Variants in EPB41L1 observed in about 807,000 individuals in gnomAD.
EPB41L1 encodes erythrocyte membrane protein band 4.1 like 1.
In EPB41L1, 29 loss-of-function variants were observed where a neutral mutation model predicts 97.8. The observed-to-expected ratio is 0.30, with a 90% CI of 0.22 to 0.40. The LOEUF (loss-of-function observed/expected upper bound fraction) is 0.40, where lower values mean the gene tolerates loss of function less well. Ranked by LOEUF, EPB41L1 falls within the 10% of genes least tolerant of loss-of-function variation. The pLI, the probability that EPB41L1 is intolerant of heterozygous loss-of-function variation, is 1.00. For missense variants in EPB41L1, 812 were observed against 1,162.3 expected, an observed-to-expected ratio of 0.70 and a Z score of 4.38; for synonymous variants, 383 against 459.2, an observed-to-expected ratio of 0.83 and a Z score of 2.12.
At chr20:36,149,580 CCAGA>C (rs1219350779) in intron 2 of EPB41L1, among the ~76,000 whole-genome samples, 2 of 152,264 alleles carry the variant, frequency 1.3e-5, no homozygotes, top group African/African-American at 2.4e-5. Flanking sequence ...CTTCCTCCAC[CCAGA>C]CACAGCTGCC....
intron 13 of EPB41L1, chr20:36,197,524 T>C (rs184394002): frequency 6.2e-5 from 33 of 533,868 alleles, no homozygotes; most frequent in Admixed American, 3.2e-4. Flanking sequence ...ACCGGGCTTA[T>C]AGCACCACAG....
intron 1 of EPB41L1, among the ~76,000 whole-genome samples, chr20:36,161,750 C>T (rs2060534147): frequency 6.6e-6 from 1 of 150,720 alleles, no homozygotes; most frequent in African/African-American, 2.4e-5. Flanking sequence ...GCTGGGATTA[C>T]AGGCCCAGTC....
chr20:36,124,475 G>A (rs1234573563), intron 2 of EPB41L1, among the ~76,000 whole-genome samples: 3 of 152,130 alleles, frequency 2.0e-5, no homozygotes, highest in Non-Finnish European at 4.4e-5. Context: ...TCAGCCACAG[G>A]AGTCTTCTCT....
At chr20:36,142,054 A>G (rs995735694) in intron 2 of EPB41L1, among the ~76,000 whole-genome samples, 1 of 151,602 alleles carries the variant, frequency 6.6e-6, no homozygotes, top group African/African-American at 2.4e-5. Context: ...GGTTGCAGTG[A>G]GCCGAGATCA....
chr20:36,129,800 G>T (rs896493745), intron 2 of EPB41L1, among the ~76,000 whole-genome samples: 4 of 152,130 alleles, frequency 2.6e-5, no homozygotes, highest in Non-Finnish European at 5.9e-5. Flanking sequence ...AGCTCATTAT[G>T]TTGGCCAGGC....
chr20:36,170,731 G>A (rs2060952664), intron 1 of EPB41L1, among the ~76,000 whole-genome samples: 1 of 152,154 alleles, frequency 6.6e-6, no homozygotes, highest in African/African-American at 2.4e-5. Flanking sequence ...AGTGGGCGGA[G>A]GAACCAGGGA....
intron 2 of EPB41L1, among the ~76,000 whole-genome samples, chr20:36,140,026 G>A (rs1475170094): frequency 1.4e-5 from 2 of 141,696 alleles, no homozygotes; most frequent in East Asian, 2.2e-4. Context: ...CACCGTGCCC[G>A]GCCTAGGTGG....
In EPB41L1 at chr20:36,226,713, CA is replaced by C. The variant is rs530328657; in HGVS notation, c.2638-2615del. ...TTACCATTAACTTGAAATAGGCTAA[CA>C]AAATGCTGCACGCAGGGACTGTGCT... On this transcript the variant is annotated intron_variant, in intron 21 of 21. Transcript: ENST00000338074. Among the ~76,000 whole-genome samples the C allele has an allele frequency of 7.8e-4, 119 of 152,270 alleles. 1 individual carries two copies. Among genetic ancestry groups the C allele is most frequent in the African/African-American group, 2.7e-3 (113 of 41,550 alleles).
At chr20:36,200,803 C>T (rs1430426711) in intron 14 of EPB41L1, 18 of 443,824 alleles carry the variant, frequency 4.1e-5, no homozygotes, top group Non-Finnish European at 6.8e-5. Flanking sequence ...CTTTCCCTCT[C>T]TTCCTGTCTC....
At chr20:36,177,460 G>T (rs1320204321) in intron 3 of EPB41L1, among the ~76,000 whole-genome samples, 1 of 152,130 alleles carries the variant, frequency 6.6e-6, no homozygotes, top group Non-Finnish European at 1.5e-5. Context: ...GGCTAGCCTG[G>T]GCTGCCCTGG....
chr20:36,223,656 T>C (rs1325455407), intron 21 of EPB41L1, among the ~76,000 whole-genome samples: 5 of 152,036 alleles, frequency 3.3e-5, no homozygotes, highest in Admixed American at 3.3e-4. Context: ...AGGTTGAAAA[T>C]CAGAATATTC....
chr20:36,204,160 C>T (rs1600934012), intron 14 of EPB41L1, among the ~76,000 whole-genome samples: 1 of 152,158 alleles, frequency 6.6e-6, no homozygotes, highest in Non-Finnish European at 1.5e-5. Context: ...CAAGATGCTT[C>T]TCCAGGTCTG....
At chr20:36,208,893 C>T (rs1009583425) in intron 14 of EPB41L1, among the ~76,000 whole-genome samples, 4 of 152,142 alleles carry the variant, frequency 2.6e-5, no homozygotes, top group Non-Finnish European at 5.9e-5. Flanking sequence ...GCACTCAGCT[C>T]CCAAGAAGCT....
chr20:36,171,780 G>GTGTC (rs991830256), intron 1 of EPB41L1, among the ~76,000 whole-genome samples: 3 of 152,180 alleles, frequency 2.0e-5, no homozygotes, highest in South Asian at 2.1e-4. Flanking sequence ...GGTGGATGCT[G>GTGTC]TGTCTGTCTG....
chr20:36,160,843 G>T (rs940091077), intron 1 of EPB41L1, among the ~76,000 whole-genome samples: 1 of 152,032 alleles, frequency 6.6e-6, no homozygotes, highest in African/African-American at 2.4e-5. Flanking sequence ...AAAAATTTTT[G>T]CAATAGGTAT....
intron 2 of EPB41L1, chr20:36,148,906 G>A (rs1479467353): frequency 6.6e-6 from 1 of 152,410 alleles, no homozygotes; most frequent in Non-Finnish European, 1.5e-5. Context: ...TGAGGGTCCA[G>A]TAGGCAGAGA....
chr20:36,153,014 C>G (rs754298206), upstream of EPB41L1: 1 of 456,732 alleles, frequency 2.2e-6, no homozygotes, highest in South Asian at 1.5e-5. Context: ...TCATTCTGCT[C>G]TCTGCTCTTC....
intron 2 of EPB41L1, among the ~76,000 whole-genome samples, chr20:36,132,573 G>GT (rs1372178527): frequency 2.2e-4 from 17 of 79,034 alleles, no homozygotes; most frequent in African/African-American, 6.1e-4. Flanking sequence ...TGGGCGGGGG[G>GT]GGGGGGCGCA....
At chr20:36,183,088 G>T (rs1483818341) in intron 6 of EPB41L1, among the ~76,000 whole-genome samples, 1 of 152,320 alleles carries the variant, frequency 6.6e-6, no homozygotes, top group East Asian at 1.9e-4. Flanking sequence ...CTTCCGTGGG[G>T]TTATCCCATT....
Sources: allele counts gnomAD v4.1 joint callset (sites outside exome capture counted in the v4.1 genomes callset), GRCh38; gene constraint gnomAD v4.1.1; transcripts MANE v1.5; gene names NCBI Gene and HGNC (gene_info 2026-07-23, HGNC 2026-07-21).